The following GLRA3 variants were observed in gnomAD, a reference collection of about 807,000 sequenced individuals.
GLRA3 encodes the protein glycine receptor alpha 3.
In GLRA3, 44 loss-of-function variants were observed where a neutral mutation model predicts 60.4. That is an observed-to-expected ratio of 0.73 (90% confidence interval 0.57 to 0.94). GLRA3 has a LOEUF of 0.94. GLRA3 is among the 40% of genes least tolerant of loss of function. The pLI is 0.00. For missense variants in GLRA3, 508 were observed against 564.6 expected (o/e 0.90, Z 1.02); for synonymous variants, 223 against 192.9 (o/e 1.16, Z -1.29).
intron 6 of GLRA3, 26 bp downstream of exon 6, chr4:174,682,776 T>A (rs752531820): frequency 1.3e-5 from 20 of 1,546,160 alleles, no homozygotes; most frequent in Non-Finnish European, 1.8e-5. Flanking sequence ...AAGTAGTAAG[T>A]GTAAAGAACA....
At chr4:174,705,427 A>G (rs1014350972) in intron 5 of GLRA3, among the ~76,000 whole-genome samples, 2 of 144,372 alleles carry the variant, frequency 1.4e-5, no homozygotes, top group African/African-American at 5.0e-5. Flanking sequence ...AGACTAAGAC[A>G]TGGATTTTAC....
At chr4:174,669,887 T>C (rs1054251880) in intron 7 of GLRA3, among the ~76,000 whole-genome samples, 1 of 152,188 alleles carries the variant, frequency 6.6e-6, no homozygotes, top group African/African-American at 2.4e-5. Flanking sequence ...TTTTACTTCA[T>C]GAGATAAAAT....
At chr4:174,777,451 A>G (rs187128912) in intron 2 of GLRA3, among the ~76,000 whole-genome samples, 3 of 152,226 alleles carry the variant, frequency 2.0e-5, no homozygotes, top group Non-Finnish European at 4.4e-5. Context: ...AAGTCTACAT[A>G]CTCTATGATT....
intron 5 of GLRA3, among the ~76,000 whole-genome samples, chr4:174,711,891 T>C (rs1284468844): frequency 6.6e-6 from 1 of 152,222 alleles, no homozygotes; most frequent in Non-Finnish European, 1.5e-5. Flanking sequence ...TTGTGTGGTA[T>C]TCTTAGAAAG....
chr4:174,642,243 G>A lies in GLRA3; in HGVS notation c.*1543C>T. The A allele has an allele frequency of 1.1e-6, 1 of 916,124 alleles. No homozygotes were observed. Among genetic ancestry groups the A allele is most frequent in the Non-Finnish European group, 1.3e-6 (1 of 767,068 alleles). 56.7% of individuals were successfully genotyped at this position (916,124 alleles called of 1,614,324 possible). A position where few individuals can be genotyped will look rare whatever the true frequency, so the allele number is the denominator to read the frequency against. On this transcript the variant is annotated 3_prime_UTR_variant, in exon 10 of 10. Transcript: ENST00000274093. ...GTTTTAGTTTTAAATGGTAGTTTTT[G>A]CTTTTAATTTGAAAGTGGTTGAAGG...
intron 5 of GLRA3, among the ~76,000 whole-genome samples, chr4:174,705,838 G>A (rs1410936117): frequency 6.6e-6 from 1 of 151,316 alleles, no homozygotes; most frequent in Non-Finnish European, 1.5e-5. Context: ...GCATGTAGTG[G>A]GGTGGGGGTG....
chr4:174,736,721 A>G lies in GLRA3; in HGVS notation c.268-8023T>C, dbSNP rs138998671. 6.3e-3 allele frequency among the ~76,000 whole-genome samples: 962 copies of G among 152,290 alleles called. 9 individuals are homozygous for G. The highest frequency in any genetic ancestry group is 0.022 in the African/African-American group (920 of 41,554). ...TGTAAGGTGATATGTAATATGTAAT[A>G]GTTTCAGAGATATATTTTTGGAAGT... On this transcript the variant is annotated intron_variant, in intron 3 of 9. Transcript: ENST00000274093.
chr4:174,773,836 G>C (rs1234985230), intron 2 of GLRA3, among the ~76,000 whole-genome samples: 1 of 152,104 alleles, frequency 6.6e-6, no homozygotes, highest in African/African-American at 2.4e-5. Context: ...CATTTGTTTG[G>C]GCAGTGCAAA....
At chr4:174,695,437 T>G (rs1183465332) in intron 5 of GLRA3, among the ~76,000 whole-genome samples, 2 of 152,058 alleles carry the variant, frequency 1.3e-5, no homozygotes, top group South Asian at 4.1e-4. Context: ...GTTCAACATA[T>G]GCAAATCGAT....
intron 8 of GLRA3, 113 bp downstream of exon 8, chr4:174,658,941 T>G: frequency 2.3e-6 from 2 of 868,214 alleles, no homozygotes; most frequent in Non-Finnish European, 3.6e-6. Flanking sequence ...AGGAATATTA[T>G]ATCATTTCAT....
chr4:174,732,225 T>C (rs144897552), intron 3 of GLRA3, among the ~76,000 whole-genome samples: 4 of 147,306 alleles, frequency 2.7e-5, no homozygotes, highest in Non-Finnish European at 6.2e-5. Context: ...TGTGGTGGCG[T>C]GCGCCTGTAG....
chr4:174,739,730 C>T (rs755811779), intron 3 of GLRA3, among the ~76,000 whole-genome samples: 11 of 152,136 alleles, frequency 7.2e-5, no homozygotes, highest in Admixed American at 1.3e-4. Context: ...GAGCAGGAAG[C>T]GGTATGAAAA....
At chr4:174,666,777 A>ATG (rs763957645) in intron 7 of GLRA3, among the ~76,000 whole-genome samples, 29,311 of 143,616 alleles carry the variant, frequency 0.2, 3,822 homozygotes, top group East Asian at 0.33. Context: ...ATATATATAT[A>ATG]TATAATTGGA....
At chr4:174,670,376 C>T (rs953187516) in intron 7 of GLRA3, among the ~76,000 whole-genome samples, 2 of 152,044 alleles carry the variant, frequency 1.3e-5, no homozygotes, top group Non-Finnish European at 2.9e-5. Flanking sequence ...CAGATAAAGC[C>T]TGTAAAGGTG....
intron 2 of GLRA3, among the ~76,000 whole-genome samples, chr4:174,786,596 G>C (rs1315068094): frequency 1.3e-5 from 2 of 152,106 alleles, no homozygotes; most frequent in African/African-American, 4.8e-5. Flanking sequence ...GTCAAAAGAT[G>C]ATGATGTTAT....
At chr4:174,819,149 T>C (rs1447179184) in intron 1 of GLRA3, among the ~76,000 whole-genome samples, 1 of 152,188 alleles carries the variant, frequency 6.6e-6, no homozygotes, top group Non-Finnish European at 1.5e-5. Context: ...TGATGGAAAT[T>C]AACAAAAACA....
chr4:174,774,154 A>C lies in GLRA3; in HGVS notation c.200-7124T>G, dbSNP rs1738501355. ...GTACTTGTGTAAAAGAAGAAGTAGC[A>C]GCAAACAAGGGAGATTCATTACATA... is the stretch of plus-strand genomic sequence containing the variant. On this transcript the variant is annotated intron_variant, in intron 2 of 9. Coordinates refer to ENST00000274093, the MANE Select transcript of GLRA3 (RefSeq NM_006529.4). Among the ~76,000 whole-genome samples, 5 of 152,186 alleles carry C rather than the reference A, an allele frequency of 3.3e-5. No homozygotes were observed. In the South Asian group the frequency reaches 1.0e-3, roughly 31 times the overall value.
chr4:174,661,167 ACACACACACACATATT>A (rs1733420771), intron 7 of GLRA3, among the ~76,000 whole-genome samples: 2 of 152,020 alleles, frequency 1.3e-5, no homozygotes, highest in South Asian at 2.1e-4. Context: ...TAGCAATCAC[ACACACACACACATATT>A]CACACACACA....
rs1579538929 is a variant in GLRA3, at chr4:174,743,815, T to A, written c.268-15117A>T. Among the ~76,000 whole-genome samples the A allele has an allele frequency of 3.9e-5, 6 of 152,296 alleles. 2 individuals carry two copies. Among genetic ancestry groups the A allele is most frequent in the Admixed American group, 3.9e-4 (6 of 15,304 alleles). ...TAATTTCTAAAGTTGAGATATTACATACAATAGGTGTTCAAATTGAAAAAA... is the reference window on the plus strand; with the variant it reads ...TAATTTCTAAAGTTGAGATATTACAAACAATAGGTGTTCAAATTGAAAAAA... On this transcript the variant is annotated intron_variant, in intron 3 of 9. Transcript: ENST00000274093.
Sources: allele counts gnomAD v4.1 joint callset (sites outside exome capture counted in the v4.1 genomes callset), GRCh38; gene constraint gnomAD v4.1.1; transcripts MANE v1.5; gene names NCBI Gene and HGNC (gene_info 2026-07-23, HGNC 2026-07-21).